Variants in PVT1 observed in about 807,000 individuals in gnomAD.
PVT1 encodes the protein Pvt1 oncogene, also known as CXCR4/PVT1 fusion.
intron 3 of PVT1, among the ~76,000 whole-genome samples, chr8:127,906,398 A>G (rs1231747164): frequency 1.3e-5 from 2 of 152,138 alleles, no homozygotes; most frequent in African/African-American, 4.8e-5. Context: ...TCCAGTTGAC[A>G]TTGCATTTTG....
chr8:127,801,415 T>C (rs1373119746), intron 2 of PVT1, among the ~76,000 whole-genome samples: 1 of 151,950 alleles, frequency 6.6e-6, no homozygotes. Context: ...CTAATGTTTT[T>C]ATTTTTGTAG....
chr8:127,853,305 G>A (rs1005230211), intron 2 of PVT1, among the ~76,000 whole-genome samples: 1 of 152,122 alleles, frequency 6.6e-6, no homozygotes. Context: ...GAAATGGAAT[G>A]GGCTGAGGGA....
chr8:127,988,736 G>A (rs1046764424), intron 3 of PVT1, among the ~76,000 whole-genome samples: 1 of 152,226 alleles, frequency 6.6e-6, no homozygotes, highest in African/African-American at 2.4e-5. Flanking sequence ...AATGGGCTGG[G>A]CACCCAGGGA....
chr8:127,930,653 G>T (rs1341531111), intron 3 of PVT1, among the ~76,000 whole-genome samples: 1 of 152,102 alleles, frequency 6.6e-6, no homozygotes, highest in East Asian at 1.9e-4. Flanking sequence ...CCCCAGCAGG[G>T]TGTGTAAAGG....
chr8:127,846,923 C>T (rs997454401), intron 2 of PVT1, among the ~76,000 whole-genome samples: 5 of 151,310 alleles, frequency 3.3e-5, no homozygotes, highest in East Asian at 1.9e-4. Context: ...TCAGGTGATC[C>T]GCCCACCTCG....
At chr8:128,079,976 G>A (rs769890902) in intron 5 of PVT1, among the ~76,000 whole-genome samples, 1 of 152,056 alleles carries the variant, frequency 6.6e-6, no homozygotes, top group Non-Finnish European at 1.5e-5. Flanking sequence ...CGCCCGCCTC[G>A]GCCTCCCAAG....
chr8:127,857,621 C>T (rs1019803628), intron 2 of PVT1, among the ~76,000 whole-genome samples: 1 of 152,178 alleles, frequency 6.6e-6, no homozygotes. Flanking sequence ...TTGGAAGCTG[C>T]AGTGTGCAGT....
intron 3 of PVT1, among the ~76,000 whole-genome samples, chr8:127,984,881 C>CTTTCT (rs753917541): frequency 1.1e-5 from 1 of 93,242 alleles, no homozygotes; most frequent in African/African-American, 3.9e-5. Context: ...TTCTTTCTTT[C>CTTTCT]TTTCTTTCTT....
chr8:127,806,713 C>T (rs1814533056), intron 2 of PVT1, among the ~76,000 whole-genome samples: 3 of 152,180 alleles, frequency 2.0e-5, no homozygotes, highest in African/African-American at 7.2e-5. Flanking sequence ...TTCTCCACCC[C>T]CAGCTTTAAC....
intron 4 of PVT1, among the ~76,000 whole-genome samples, chr8:128,003,689 A>G (rs1817213075): frequency 6.6e-6 from 1 of 152,264 alleles, no homozygotes. Flanking sequence ...TATAATAATA[A>G]TATAGGCATT....
At chr8:128,002,121 T>G (rs1456031339) in intron 4 of PVT1, among the ~76,000 whole-genome samples, 4 of 152,100 alleles carry the variant, frequency 2.6e-5, no homozygotes, top group Non-Finnish European at 4.4e-5. Context: ...GAAACTTGAG[T>G]GATTAATTGA....
rs186398774 is a variant in PVT1, at chr8:127,832,396, C to A, written n.372+36325C>A. Among the ~76,000 whole-genome samples the A allele has an allele frequency of 3.4e-3, 515 of 152,298 alleles. 5 individuals are homozygous for A. Among genetic ancestry groups the A allele is most frequent in the Admixed American group, 7.5e-3 (114 of 15,298 alleles). Reference sequence around the variant, plus strand: ...GAATTCTACCCAGCATTCCAGATAGCCTGTCAACCTGCTGACAGATAAGGT... The same window carrying A: ...GAATTCTACCCAGCATTCCAGATAGACTGTCAACCTGCTGACAGATAAGGT... On this transcript the variant is annotated intron_variant and non_coding_transcript_variant, in intron 2 of 10. Coordinates refer to ENST00000651587, the Ensembl canonical transcript of PVT1.
chr8:127,928,749 A>C (rs1326223173), intron 3 of PVT1, among the ~76,000 whole-genome samples: 1 of 152,182 alleles, frequency 6.6e-6, no homozygotes, highest in Non-Finnish European at 1.5e-5. Flanking sequence ...TGCTGCTCAC[A>C]GCCTGTCCTG....
In PVT1 at chr8:127,932,559, T is replaced by C. The variant is rs1586442429; in HGVS notation, n.782+41561T>C. ...CCCACGCTGTGGCTGAGTCCCAGCC[T>C]GCTATGGAAGCATCACTGGACTCCC... On this transcript the variant is annotated intron_variant and non_coding_transcript_variant, in intron 3 of 10. Transcript: ENST00000651587. 3.3e-5 allele frequency: 13 copies of C among 398,478 alleles called. No individual in the cohort carries two copies. In the East Asian group the frequency reaches 3.9e-4, roughly 12 times the overall value. The allele number at this position is 398,478 out of a possible 1,614,324, so 24.7% of individuals were successfully genotyped here.
chr8:127,928,231 G>C (rs1212377284), intron 3 of PVT1, among the ~76,000 whole-genome samples: 2 of 152,116 alleles, frequency 1.3e-5, no homozygotes, highest in African/African-American at 2.4e-5. Flanking sequence ...ATGATGTCTG[G>C]TCACCCTGGC....
chr8:127,799,524 G>T (rs1007338293), intron 2 of PVT1, among the ~76,000 whole-genome samples: 3 of 152,242 alleles, frequency 2.0e-5, no homozygotes, highest in Admixed American at 2.0e-4. Flanking sequence ...GAAGTGGGGG[G>T]CTTGCCTGTA....
intron 4 of PVT1, among the ~76,000 whole-genome samples, chr8:128,021,255 C>A (rs1397958751): frequency 6.7e-6 from 1 of 148,664 alleles, no homozygotes; most frequent in East Asian, 2.0e-4. Context: ...GGGACAGGGG[C>A]ATTGCCTCTC....
At chr8:128,081,181 G>A (rs76298623) in intron 5 of PVT1, among the ~76,000 whole-genome samples, 3,474 of 152,296 alleles carry the variant, frequency 0.023, 64 homozygotes, top group Non-Finnish European at 0.035. Flanking sequence ...CTGCAGTATT[G>A]TGTCAGCTAT....
Position 127,839,130 on chromosome 8 carries a change from C to T in PVT1, n.372+43059C>T, listed in dbSNP as rs149045462. The stretch of plus-strand genomic sequence containing the variant: ...TTCGCACAACGAAATTGCCTAACGC[C>T]GCATTTCTCAGAATGTATCTCTACC... On this transcript the variant is annotated intron_variant and non_coding_transcript_variant, in intron 2 of 10. Coordinates refer to ENST00000651587, the Ensembl canonical transcript of PVT1. 1.8e-4 allele frequency among the ~76,000 whole-genome samples: 28 copies of T among 152,252 alleles called. 1 individual carries two copies. The East Asian group carries it at 4.2e-3, about 23-fold the overall frequency.
Sources: allele counts gnomAD v4.1 joint callset (sites outside exome capture counted in the v4.1 genomes callset), GRCh38; gene constraint gnomAD v4.1.1; transcripts MANE v1.5; gene names NCBI Gene and HGNC (gene_info 2026-07-23, HGNC 2026-07-21).